Variants in GADL1 observed in about 807,000 individuals in gnomAD.
GADL1 encodes GAD like acidic amino acid decarboxylase 1.
GADL1 carries 71 observed loss-of-function variants against 69.5 expected under a neutral mutation model. The observed-to-expected ratio is 1.02, with a 90% CI of 0.84 to 1.25. The LOEUF is 1.25. GADL1 is among the 50% of genes most tolerant of loss of function. The pLI is 0.00. For missense variants in GADL1, 737 were observed against 631.8 expected (o/e 1.17, Z -1.79); for synonymous variants, 254 against 214.4 (o/e 1.18, Z -1.62).
At chr3:30,758,449 A>ACAAT (rs1469985834) in intron 14 of GADL1, among the ~76,000 whole-genome samples, 2 of 152,300 alleles carry the variant, frequency 1.3e-5, no homozygotes, top group East Asian at 3.9e-4. Context: ...AGGAAGAACC[A>ACAAT]CAATGATTGT....
At chr3:30,881,402 AC>A (rs1254905104) in intron 1 of GADL1, among the ~76,000 whole-genome samples, 3 of 151,894 alleles carry the variant, frequency 2.0e-5, no homozygotes, top group Admixed American at 6.6e-5. Context: ...TGTAATTCCA[AC>A]CTTTTTTGGG....
chr3:30,833,087 C>A (rs1164755190), intron 11 of GADL1, among the ~76,000 whole-genome samples: 1 of 151,954 alleles, frequency 6.6e-6, no homozygotes, highest in Non-Finnish European at 1.5e-5. Context: ...CAAAGGGAGT[C>A]CCCTAAGAAA....
At chr3:30,769,416 G>GAA (rs1410182620) in intron 14 of GADL1, among the ~76,000 whole-genome samples, 12 of 152,020 alleles carry the variant, frequency 7.9e-5, no homozygotes, top group South Asian at 2.1e-4. Context: ...ACCTCCTTAG[G>GAA]TTACGCAAAG....
chr3:30,735,843 C>A (rs934754082), intron 14 of GADL1, among the ~76,000 whole-genome samples: 1 of 152,082 alleles, frequency 6.6e-6, no homozygotes, highest in Non-Finnish European at 1.5e-5. Flanking sequence ...ATAATGGGAA[C>A]TGCATGGCTC....
At chr3:30,883,870 T>A (rs1698673372) in intron 1 of GADL1, among the ~76,000 whole-genome samples, 1 of 152,016 alleles carries the variant, frequency 6.6e-6, no homozygotes, top group South Asian at 2.1e-4. Flanking sequence ...TCATTGGGTT[T>A]GTTACTATTT....
chr3:30,836,922 G>T (rs184777009), intron 9 of GADL1, among the ~76,000 whole-genome samples: 1 of 150,458 alleles, frequency 6.6e-6, no homozygotes, highest in African/African-American at 2.5e-5. Flanking sequence ...TTTCTTATTC[G>T]GTTGTTTAAA....
intron 14 of GADL1, among the ~76,000 whole-genome samples, chr3:30,757,703 A>AGATTCACAAATCT (rs1380253598): frequency 6.6e-6 from 1 of 152,218 alleles, no homozygotes; most frequent in East Asian, 1.9e-4. Context: ...TTAGTAGATC[A>AGATTCACAAATCT]GATTCACAAA....
intron 1 of GADL1, among the ~76,000 whole-genome samples, chr3:30,891,471 T>C (rs753076812): frequency 1.3e-5 from 2 of 152,040 alleles, no homozygotes; most frequent in Non-Finnish European, 2.9e-5. Flanking sequence ...ATTCTTCCTG[T>C]GGTCCCAGCA....
chr3:30,801,225 A>G, intron 11 of GADL1, 137 bp from the exon 12 acceptor site: 2 of 653,332 alleles, frequency 3.1e-6, no homozygotes, highest in Non-Finnish European at 5.4e-6. Flanking sequence ...CTTACATCAG[A>G]CACAATCAGT....
At chr3:30,756,479 T>A (rs1695973287) in intron 14 of GADL1, among the ~76,000 whole-genome samples, 1 of 152,212 alleles carries the variant, frequency 6.6e-6, no homozygotes, top group African/African-American at 2.4e-5. Context: ...GCACTGTGCC[T>A]TTGAAGTTCC....
chr3:30,755,004 ATC>A (rs1477486136), intron 14 of GADL1, among the ~76,000 whole-genome samples: 1 of 152,178 alleles, frequency 6.6e-6, no homozygotes, highest in Non-Finnish European at 1.5e-5. Context: ...CATTTTCAGC[ATC>A]TCTGAAAAGA....
At position 30,889,090 on chromosome 3, in the gene GADL1, A is replaced by ATG. The variant is rs1559369956; in HGVS notation, c.37+5487_37+5488insCA. Among the ~76,000 whole-genome samples, 116 of 143,206 alleles carry ATG rather than the reference A, an allele frequency of 8.1e-4. 2 individuals carry two copies. The highest frequency in any genetic ancestry group is 2.9e-3 in the African/African-American group (113 of 38,330). 93.9% of individuals were successfully genotyped at this position (143,206 alleles called of 152,430 possible). On this transcript the variant is annotated intron_variant, in intron 1 of 14. Transcript: ENST00000282538. The stretch of plus-strand genomic sequence containing the variant: ...CCGAAGACTCGGTAATCTATAAAAA[A>ATG]AAAAAAAAAAAAAAAAAAAAAAAAA...
intron 14 of GADL1, among the ~76,000 whole-genome samples, chr3:30,770,045 G>A (rs771128694): frequency 2.8e-4 from 33 of 116,672 alleles, no homozygotes; most frequent in African/African-American, 9.7e-4. Flanking sequence ...AATAAGACCC[G>A]GCAACCCTGG....
At chr3:30,756,431 C>T (rs6550022) in intron 14 of GADL1, among the ~76,000 whole-genome samples, 63,669 of 151,978 alleles carry the variant, frequency 0.42, 13,948 homozygotes, top group African/African-American at 0.53. Flanking sequence ...GGTAGAATGA[C>T]TGCAAATATG....
At chr3:30,785,845 GT>G (rs1452977080) in intron 13 of GADL1, among the ~76,000 whole-genome samples, 1 of 152,016 alleles carries the variant, frequency 6.6e-6, no homozygotes, top group African/African-American at 2.4e-5. Flanking sequence ...TTCTAAACAT[GT>G]TTTAGAAAAA....
At chr3:30,777,720 CTT>C (rs1236313239) in intron 14 of GADL1, among the ~76,000 whole-genome samples, 6 of 152,192 alleles carry the variant, frequency 3.9e-5, no homozygotes, top group Non-Finnish European at 7.4e-5. Flanking sequence ...CTTAGCATCT[CTT>C]TTCTTTTATG....
Position 30,808,840 on chromosome 3 carries a change from G to A in GADL1, c.1051-7752C>T, listed in dbSNP as rs115980593. Among the ~76,000 whole-genome samples, 836 of 152,180 alleles carry A rather than the reference G, an allele frequency of 5.5e-3. 9 individuals are homozygous for A. The highest frequency in any genetic ancestry group is 0.019 in the African/African-American group (776 of 41,506). On this transcript the variant is annotated intron_variant, in intron 11 of 14. Coordinates refer to ENST00000282538, the MANE Select transcript of GADL1 (RefSeq NM_207359.3). ...TCTGGCTTTCAAATGTATACAACAT[G>A]TTACAAGTCCTATGATAAGAATGAG...
chr3:30,774,714 T>TC (rs1696493816), intron 14 of GADL1, among the ~76,000 whole-genome samples: 1 of 152,030 alleles, frequency 6.6e-6, no homozygotes, highest in South Asian at 2.1e-4. Flanking sequence ...TATAGGGAGG[T>TC]CATGTATTTC....
chr3:30,765,979 A>AGGG (rs896623958), intron 14 of GADL1, among the ~76,000 whole-genome samples: 1 of 152,206 alleles, frequency 6.6e-6, no homozygotes. Context: ...GTATATGAAA[A>AGGG]GGGGTACTCA....
Sources: allele counts gnomAD v4.1 joint callset (sites outside exome capture counted in the v4.1 genomes callset), GRCh38; gene constraint gnomAD v4.1.1; transcripts MANE v1.5; gene names NCBI Gene and HGNC (gene_info 2026-07-23, HGNC 2026-07-21).